Variants in SV2C observed in about 807,000 individuals in gnomAD.
The protein encoded by SV2C is solute carrier family 22 member B3.
A neutral mutation model predicts 79.7 loss-of-function variants in SV2C; 49 were observed. The ratio of observed to expected loss-of-function variants is 0.61; its 90% confidence interval spans 0.49 to 0.78. The LOEUF (loss-of-function observed/expected upper bound fraction) is 0.78, where lower values mean the gene tolerates loss of function less well. SV2C is among the 30% of genes least tolerant of loss of function. The pLI is 0.00. For missense variants in SV2C, 833 were observed against 912.9 expected, an observed-to-expected ratio of 0.91 and a Z score of 1.13; for synonymous variants, 334 against 333.2, an observed-to-expected ratio of 1.00 and a Z score of -0.03.
chr5:76,351,951 G>A (rs1749650986), intron 12 of SV2C, among the ~76,000 whole-genome samples: 1 of 152,196 alleles, frequency 6.6e-6, no homozygotes, highest in South Asian at 2.1e-4. Flanking sequence ...GGTGGCTCAC[G>A]CCTGTAATCT....
chr5:75,943,036 G>T, the SV2C span, among the ~76,000 whole-genome samples: 1 of 152,160 alleles, frequency 6.6e-6, no homozygotes, highest in Non-Finnish European at 1.5e-5. Flanking sequence ...GCAAATGCCT[G>T]ACTTGGGACA....
At chr5:75,902,501 G>A in the SV2C span, among the ~76,000 whole-genome samples, 1 of 152,172 alleles carries the variant, frequency 6.6e-6, no homozygotes, top group African/African-American at 2.4e-5. Context: ...AGGTAAAAAG[G>A]AACCTTTGGA....
At chr5:75,921,089 T>G in the SV2C span, 1 of 780,926 alleles carries the variant, frequency 1.3e-6, no homozygotes, top group Non-Finnish European at 2.2e-6. Flanking sequence ...GGGGCCAAAC[T>G]CCTGGGTGAG....
chr5:76,127,666 C>T lies in SV2C; in HGVS notation c.-101-3984C>T, dbSNP rs115567555. 7.3e-3 allele frequency among the ~76,000 whole-genome samples: 1,113 copies of T among 152,326 alleles called. 16 individuals are homozygous for T. Among genetic ancestry groups the T allele is most frequent in the African/African-American group, 0.025 (1,036 of 41,560 alleles). ...GGCTTCAGTGTGCCTTTGCCTTCCT[C>T]GGCCAGCACCTTCAGAGGATTGCCT... On this transcript the variant is annotated intron_variant, in intron 1 of 12. Transcript: ENST00000502798.
chr5:76,318,947 G>A (rs1435762718), intron 12 of SV2C, among the ~76,000 whole-genome samples: 1 of 152,238 alleles, frequency 6.6e-6, no homozygotes, highest in African/African-American at 2.4e-5. Context: ...AGGACTTTAT[G>A]AGCAAAGGTG....
chr5:75,898,446 G>A, the SV2C span, among the ~76,000 whole-genome samples: 3 of 152,268 alleles, frequency 2.0e-5, no homozygotes, highest in Middle Eastern at 3.4e-3. Context: ...TAAGCTTTTC[G>A]ATGTGCTGCT....
upstream of SV2C, chr5:76,079,583 T>C (rs112649167): frequency 2.7e-3 from 874 of 328,132 alleles, 5 homozygotes; most frequent in African/African-American, 0.018. Flanking sequence ...AATGAATGTA[T>C]TGAAACAGGA....
the SV2C span, among the ~76,000 whole-genome samples, chr5:75,944,604 T>A: frequency 1.3e-5 from 2 of 152,124 alleles, no homozygotes; most frequent in Admixed American, 6.5e-5. Context: ...CAACCTATAG[T>A]GGAGAAGGGT....
the SV2C span, among the ~76,000 whole-genome samples, chr5:75,990,296 TAGTTTATCTTG>T: frequency 6.6e-6 from 1 of 151,988 alleles, no homozygotes; most frequent in Non-Finnish European, 1.5e-5. Context: ...TTTAAGTCTT[TAGTTTATCTTG>T]AGTTCGTTTT....
intron 4 of SV2C, among the ~76,000 whole-genome samples, chr5:76,248,741 C>T (rs1746023386): frequency 6.6e-6 from 1 of 151,980 alleles, no homozygotes; most frequent in African/African-American, 2.4e-5. Context: ...ACCTCAGCCT[C>T]CAAAGTAGCT....
chr5:76,148,843 G>A (rs1749515346), intron 2 of SV2C, among the ~76,000 whole-genome samples: 1 of 152,192 alleles, frequency 6.6e-6, no homozygotes. Context: ...CTGGGAGAAA[G>A]TGGGTGGAGG....
intron 2 of SV2C, among the ~76,000 whole-genome samples, chr5:76,159,687 G>C (rs993995078): frequency 1.3e-5 from 2 of 151,788 alleles, no homozygotes; most frequent in African/African-American, 4.8e-5. Context: ...TTCATCCTTC[G>C]TGTCTCTCTT....
the SV2C span, among the ~76,000 whole-genome samples, chr5:75,962,786 C>T: frequency 6.6e-6 from 1 of 152,082 alleles, no homozygotes; most frequent in African/African-American, 2.4e-5. Flanking sequence ...CACTTAAAGC[C>T]AAGGCTTAGT....
chr5:75,957,374 A>G, the SV2C span, among the ~76,000 whole-genome samples: 3 of 152,020 alleles, frequency 2.0e-5, no homozygotes, highest in African/African-American at 2.4e-5. Flanking sequence ...GCTGCTATAA[A>G]CCTTACCAAT....
chr5:75,947,191 T>G, the SV2C span, among the ~76,000 whole-genome samples: 1 of 152,078 alleles, frequency 6.6e-6, no homozygotes, highest in Non-Finnish European at 1.5e-5. Flanking sequence ...GTAATCAGTA[T>G]AGAGGATGAA....
At chr5:76,189,894 T>G (rs954136656) in intron 2 of SV2C, among the ~76,000 whole-genome samples, 1 of 152,238 alleles carries the variant, frequency 6.6e-6, no homozygotes, top group Non-Finnish European at 1.5e-5. Context: ...TACATTCACT[T>G]TCATAGAAAT....
chr5:76,114,788 C>T (rs1280479153), intron 1 of SV2C, among the ~76,000 whole-genome samples: 1 of 152,236 alleles, frequency 6.6e-6, no homozygotes, highest in Admixed American at 6.5e-5. Flanking sequence ...TAGGGAAAGG[C>T]ATGACCAACT....
At chr5:76,112,342 A>T (rs1748120606) in intron 1 of SV2C, among the ~76,000 whole-genome samples, 1 of 152,206 alleles carries the variant, frequency 6.6e-6, no homozygotes, top group African/African-American at 2.4e-5. Context: ...GAAGTGCAGG[A>T]GGGAGGCCAG....
chr5:76,276,520 G>A (rs930632660), intron 4 of SV2C, among the ~76,000 whole-genome samples: 3 of 152,150 alleles, frequency 2.0e-5, no homozygotes, highest in South Asian at 2.1e-4. Context: ...TAGAGACGAG[G>A]TTTTGCCACT....
Sources: allele counts gnomAD v4.1 joint callset (sites outside exome capture counted in the v4.1 genomes callset), GRCh38; gene constraint gnomAD v4.1.1; transcripts MANE v1.5; gene names NCBI Gene and HGNC (gene_info 2026-07-23, HGNC 2026-07-21).